Variants in VPS13C observed in about 807,000 individuals in gnomAD.
VPS13C encodes the protein vacuolar protein sorting 13 homolog C.
In VPS13C, 358 loss-of-function variants were observed where a neutral mutation model predicts 456.8. The observed-to-expected ratio is 0.78, with a 90% CI of 0.72 to 0.86. The LOEUF is 0.86. Ranked by LOEUF, VPS13C falls within the 40% of genes least tolerant of loss-of-function variation. The pLI is 0.00. For missense variants in VPS13C, 4,818 were observed against 4,385.4 expected (o/e 1.10, Z -2.79); for synonymous variants, 1,578 against 1,486.7 (o/e 1.06, Z -1.41).
intron 66 of VPS13C, among the ~76,000 whole-genome samples, chr15:61,899,847 G>A (rs571787927): frequency 5.3e-5 from 8 of 151,438 alleles, no homozygotes; most frequent in East Asian, 1.9e-4. Flanking sequence ...GATGAACATC[G>A]ATGCAAAAAT....
At chr15:61,947,357 C>G (rs1567035454) in intron 42 of VPS13C, 48 bp from the exon 43 acceptor site, 13 of 1,345,512 alleles carry the variant, frequency 9.7e-6, no homozygotes, top group African/African-American at 1.5e-5. Flanking sequence ...AAAGATAATA[C>G]AACACATACA....
chr15:62,030,638 C>G (rs1459097980), intron 5 of VPS13C, among the ~76,000 whole-genome samples: 1 of 152,024 alleles, frequency 6.6e-6, no homozygotes, highest in Non-Finnish European at 1.5e-5. Context: ...TCATAGTAAT[C>G]TAAGTAGTGA....
intron 73 of VPS13C, among the ~76,000 whole-genome samples, chr15:61,880,122 G>C (rs1895737518): frequency 1.3e-5 from 2 of 151,952 alleles, no homozygotes; most frequent in African/African-American, 4.8e-5. Context: ...AAAAGAAATG[G>C]GTTCATAAAG....
chr15:62,038,140 T>C (rs2140688668), intron 3 of VPS13C, among the ~76,000 whole-genome samples: 1 of 152,280 alleles, frequency 6.6e-6, no homozygotes. Context: ...TACTTATTTT[T>C]TAAAGTAAAT....
intron 71 of VPS13C, 26 bp downstream of exon 71, chr15:61,881,537 G>T (rs750484308): frequency 1.4e-5 from 21 of 1,553,480 alleles, no homozygotes; most frequent in Non-Finnish European, 1.8e-5. Context: ...AATTCTTTTA[G>T]AGAAACAGCA....
At chr15:62,051,710 G>T (rs370754962) in intron 1 of VPS13C, among the ~76,000 whole-genome samples, 2 of 152,118 alleles carry the variant, frequency 1.3e-5, no homozygotes, top group East Asian at 3.8e-4. Flanking sequence ...AAACAAAAAG[G>T]ATAACTAAAA....
chr15:61,969,515 A>G, intron 27 of VPS13C, 63 bp from the exon 28 acceptor site: 1 of 1,218,150 alleles, frequency 8.2e-7, no homozygotes, highest in East Asian at 2.6e-5. Context: ...AAATAATGAA[A>G]ACAAAATCTT....
intron 80 of VPS13C, 87 bp from the exon 81 acceptor site, chr15:61,868,860 A>T (rs1894790557): frequency 9.4e-7 from 1 of 1,069,422 alleles, no homozygotes; most frequent in Admixed American, 3.2e-5. Flanking sequence ...TAAATATTTC[A>T]CAAAAAACAA....
rs201872503 is a variant in VPS13C at position 61,966,141 on chromosome 15, G to T, written c.2993C>A (p.Ala998Asp). Residue 998 changes from alanine to aspartate, a missense_variant and splice_region_variant, in exon 30 of 85, where the codon GCT becomes GAT. This residue lies in a region of VPS13C where 4,552 missense variants were observed against 4,130.6 expected (regional missense o/e 1.10). Coordinates refer to ENST00000644861, the MANE Select transcript of VPS13C (RefSeq NM_020821.3). ...LDLLKVEYIKADKNGPSFQTA... is the reference protein window; with the variant it reads ...LDLLKVEYIKDDKNGPSFQTA... ...TTGAAAACTAGGTCCATTCTTATCA[G>T]CCTGAAAAAAGAAGTAAAAGTTCTA... 10 of 1,599,384 alleles carry T rather than the reference G, an allele frequency of 6.3e-6. No homozygotes were observed. The highest frequency in any genetic ancestry group is 1.7e-4 in the Middle Eastern group (1 of 5,898).
chr15:61,936,926 C>T (rs191460987), intron 47 of VPS13C, among the ~76,000 whole-genome samples, 176 bp from the exon 48 acceptor site: 2 of 152,312 alleles, frequency 1.3e-5, no homozygotes, highest in Admixed American at 1.3e-4. Flanking sequence ...ACTGTGTGCA[C>T]ACACACTTCT....
At position 61,958,605 on chromosome 15, in the gene VPS13C, T is replaced by C; in HGVS notation, c.4165+3A>G. On this transcript the variant is annotated splice_donor_region_variant and intron_variant, in intron 37 of 84. Transcript: ENST00000644861. ...ATATTGCCACTTACTGTCAGCCTCT[T>C]ACCTGTCTCTTGTACTCTTGGTTTC... is the stretch of plus-strand genomic sequence containing the variant. 1 of 1,534,948 alleles carries C rather than the reference T, an allele frequency of 6.5e-7. No homozygotes were observed. Among genetic ancestry groups the C allele is most frequent in the Non-Finnish European group, 8.9e-7 (1 of 1,129,590 alleles).
intron 16 of VPS13C, among the ~76,000 whole-genome samples, chr15:61,995,080 T>C (rs1329325379): frequency 6.6e-6 from 1 of 152,232 alleles, no homozygotes; most frequent in Non-Finnish European, 1.5e-5. Context: ...CTGTCTCCCA[T>C]TCCCAGTCGT....
intron 66 of VPS13C, among the ~76,000 whole-genome samples, chr15:61,899,678 G>C (rs1223601018): frequency 6.6e-6 from 1 of 150,674 alleles, no homozygotes; most frequent in Non-Finnish European, 1.5e-5. Flanking sequence ...AATTCTACCA[G>C]AGGTACAAGG....
rs1212711896 is a variant in VPS13C, at chr15:61,881,558, C to T, written c.9776+5G>A. ...TTTAGAGAAACAGCAGGAATCTTCA[C>T]TTACTTGAACTGTAAGACTTTACTG... On this transcript the variant is annotated splice_donor_5th_base_variant and intron_variant, in intron 71 of 84. Transcript: ENST00000644861. The T allele has an allele frequency of 6.3e-7, 1 of 1,588,074 alleles. No homozygotes were observed. The highest frequency in any genetic ancestry group is 8.5e-7 in the Non-Finnish European group (1 of 1,170,636).
intron 6 of VPS13C, among the ~76,000 whole-genome samples, chr15:62,025,077 C>T (rs998839944): frequency 2.0e-5 from 3 of 152,034 alleles, no homozygotes; most frequent in Admixed American, 6.5e-5. Flanking sequence ...AGGCAGGAGA[C>T]TTCATTAGGT....
intron 41 of VPS13C, among the ~76,000 whole-genome samples, 173 bp downstream of exon 41, chr15:61,950,185 G>A (rs2044738826): frequency 6.6e-6 from 1 of 152,106 alleles, no homozygotes; most frequent in Non-Finnish European, 1.5e-5. Flanking sequence ...TCAACTTTTT[G>A]TAAGAACTTT....
chr15:61,921,841 A>T (rs549655366), intron 55 of VPS13C, 106 bp downstream of exon 55: 79 of 1,099,432 alleles, frequency 7.2e-5, no homozygotes, highest in South Asian at 2.6e-4. Flanking sequence ...AGCCCTTAAA[A>T]GGGCTTCAAG....
Position 62,032,725 on chromosome 15 carries a change from C to T in VPS13C, c.385+716G>A, listed in dbSNP as rs542337031. On this transcript the variant is annotated intron_variant, in intron 5 of 84. Transcript: ENST00000644861. ...TCATCATAAAAATATATACACATGCCACCAAATGACACAAAAATTATATAA... is the reference window on the plus strand; with the variant it reads ...TCATCATAAAAATATATACACATGCTACCAAATGACACAAAAATTATATAA... Among the ~76,000 whole-genome samples, 8 of 151,686 alleles carry T rather than the reference C, an allele frequency of 5.3e-5. No homozygotes were observed. In the East Asian group the frequency reaches 1.4e-3, roughly 26 times the overall value.
intron 1 of VPS13C, among the ~76,000 whole-genome samples, chr15:62,054,171 G>A (rs927797959): frequency 2.0e-5 from 3 of 152,110 alleles, no homozygotes; most frequent in African/African-American, 7.2e-5. Context: ...ATTATATCCT[G>A]GACACATCTC....
Sources: gnomAD v4.1 joint callset for allele counts (sites outside exome capture counted in the v4.1 genomes callset) on GRCh38, gnomAD v4.1.1 for gene constraint, gnomAD v4.1.1 regional missense constraint, MANE v1.5 for transcripts, NCBI Gene and HGNC (gene_info 2026-07-23, HGNC 2026-07-21) for gene names.